The following CDC42BPA variants were observed in gnomAD, a reference collection of about 807,000 sequenced individuals.
The protein encoded by CDC42BPA is CDC42 binding protein kinase alpha.
In CDC42BPA, 80 loss-of-function variants were observed where a neutral mutation model predicts 223.5. That is an observed-to-expected ratio of 0.36 (90% CI 0.30 to 0.43). The LOEUF (loss-of-function observed/expected upper bound fraction) is 0.43, where lower values mean the gene tolerates loss of function less well. Among genes scored for constraint, CDC42BPA ranks in the 20% least tolerant of loss-of-function variants. The pLI, the probability that CDC42BPA is intolerant of heterozygous loss-of-function variation, is 1.00. For missense variants in CDC42BPA, 1,743 were observed against 2,099.9 expected (o/e 0.83, Z 3.32); for synonymous variants, 694 against 718.6 (o/e 0.97, Z 0.55).
rs767223657 is a variant in CDC42BPA at position 227,004,679 on chromosome 1, C to G, written c.4975+315G>C. On this transcript the variant is annotated intron_variant, in intron 35 of 36. Coordinates refer to ENST00000366766, the MANE Select transcript of CDC42BPA (RefSeq NM_001394014.1). ...ATTATTCTGCCAAGTAGGGATTCAT[C>G]CCTAACAGCTACCCCTTGTTATTCT... The G allele has an allele frequency of 2.3e-5, 8 of 352,848 alleles. 1 individual carries two copies. In the South Asian group the frequency reaches 2.5e-4, roughly 11 times the overall value. The allele number at this position is 352,848 out of a possible 1,614,324, so 21.9% of individuals were successfully genotyped here.
chr1:227,140,325 G>C (rs1414322040), intron 9 of CDC42BPA, among the ~76,000 whole-genome samples: 1 of 152,002 alleles, frequency 6.6e-6, no homozygotes, highest in Non-Finnish European at 1.5e-5. Flanking sequence ...ATGCTAAGGA[G>C]AAAACATAAA....
At chr1:227,072,394 C>G (rs1226230079) in intron 19 of CDC42BPA, 95 bp from the exon 20 acceptor site, 1 of 683,906 alleles carries the variant, frequency 1.5e-6, no homozygotes, top group Non-Finnish European at 2.6e-6. Context: ...GTTTAAATGT[C>G]AGGCATGGTA....
At chr1:227,111,517 C>T (rs955982826) in intron 14 of CDC42BPA, among the ~76,000 whole-genome samples, 4 of 152,112 alleles carry the variant, frequency 2.6e-5, no homozygotes, top group South Asian at 2.1e-4. Context: ...GACGGAGTTT[C>T]GCTCTTGCCC....
intron 10 of CDC42BPA, among the ~76,000 whole-genome samples, chr1:227,134,020 T>G (rs1014920089): frequency 7.2e-6 from 1 of 138,884 alleles, no homozygotes; most frequent in African/African-American, 2.6e-5. Context: ...AACTATACAC[T>G]TTGTCATTAT....
At chr1:227,286,534 C>T (rs1688833575) in intron 1 of CDC42BPA, among the ~76,000 whole-genome samples, 1 of 152,150 alleles carries the variant, frequency 6.6e-6, no homozygotes, top group Non-Finnish European at 1.5e-5. Flanking sequence ...TCCAAACTTG[C>T]CCTGTCTTCC....
At chr1:227,179,006 A>G (rs903251593) in intron 5 of CDC42BPA, among the ~76,000 whole-genome samples, 4 of 152,212 alleles carry the variant, frequency 2.6e-5, no homozygotes, top group Non-Finnish European at 4.4e-5. Flanking sequence ...GGTTGAGATC[A>G]TATGTCCTGA....
At chr1:227,233,280 G>GC (rs1223876575) in intron 2 of CDC42BPA, among the ~76,000 whole-genome samples, 2 of 152,024 alleles carry the variant, frequency 1.3e-5, no homozygotes, top group African/African-American at 4.8e-5. Context: ...CTTGTGATCC[G>GC]CCCACCTTGG....
chr1:227,260,619 T>C (rs1381348239), intron 1 of CDC42BPA, among the ~76,000 whole-genome samples: 1 of 151,114 alleles, frequency 6.6e-6, no homozygotes, highest in African/African-American at 2.5e-5. Flanking sequence ...GAAGAAAAGA[T>C]GAGAAATGAA....
chr1:227,234,064 G>A (rs1678537473), intron 2 of CDC42BPA, among the ~76,000 whole-genome samples: 1 of 152,140 alleles, frequency 6.6e-6, no homozygotes, highest in South Asian at 2.1e-4. Context: ...TGTTGTTCAA[G>A]TGGCAACAGT....
At chr1:227,163,511 C>CT (rs11411688) in intron 5 of CDC42BPA, among the ~76,000 whole-genome samples, 136,823 of 151,666 alleles carry the variant, frequency 0.9, 62,164 homozygotes, top group Middle Eastern at 0.96. Context: ...AGTTGAGAAT[C>CT]TTTTCATATT....
At chr1:227,184,472 A>G (rs1233752590) in intron 5 of CDC42BPA, among the ~76,000 whole-genome samples, 3 of 152,124 alleles carry the variant, frequency 2.0e-5, no homozygotes, top group Non-Finnish European at 2.9e-5. Context: ...TCAGTTGAAA[A>G]TACCTCTGTT....
At position 227,300,486 on chromosome 1, in the gene CDC42BPA, C is replaced by T. The variant is rs888231905; in HGVS notation, c.178+16519G>A. ...TATACACACATACCATGGAATACTACTCAGCCATAAAAAGAACAAAATAAT... is the reference window on the plus strand; with the variant it reads ...TATACACACATACCATGGAATACTATTCAGCCATAAAAAGAACAAAATAAT... On this transcript the variant is annotated intron_variant, in intron 1 of 36. Transcript: ENST00000366766. Among the ~76,000 whole-genome samples the T allele has an allele frequency of 2.0e-5, 3 of 152,132 alleles. No homozygotes were observed. In the South Asian group the frequency reaches 6.2e-4, roughly 32 times the overall value.
At chr1:227,115,010 TGAA>T (rs1687548181) in intron 12 of CDC42BPA, among the ~76,000 whole-genome samples, 1 of 151,994 alleles carries the variant, frequency 6.6e-6, no homozygotes, top group Admixed American at 6.6e-5. Context: ...CAAATTTCAG[TGAA>T]GAAGAAATGA....
intron 24 of CDC42BPA, among the ~76,000 whole-genome samples, chr1:227,036,738 A>C (rs1193957986): frequency 6.6e-6 from 1 of 152,110 alleles, no homozygotes; most frequent in African/African-American, 2.4e-5. Context: ...CCTTCAATTC[A>C]GTTTTAAGTG....
rs768536226 is a variant in CDC42BPA, at chr1:227,112,367, C to T, written c.1946G>A (p.Arg649His). Residue 649 changes from arginine to histidine, a missense_variant, in exon 14 of 37, where the codon CGT (arginine) becomes CAT (histidine). Physicochemically the swap from Arg to His is conservative, Grantham distance 29. Transcript: ENST00000366766. The stretch of plus-strand genomic sequence containing the variant: ...CTTAGAATAGTGCTCACTCTGTTCA[C>T]GTAGCTTCCTGTCTTTAGATGCTTC... ...AAEASKDRKL[R>H]EQSEHYSKQL... 1.9e-5 allele frequency: 30 copies of T among 1,608,834 alleles called. No homozygotes were observed. Among genetic ancestry groups the T allele is most frequent in the Admixed American group, 3.4e-5 (2 of 59,082 alleles).
intron 2 of CDC42BPA, among the ~76,000 whole-genome samples, chr1:227,252,861 G>A (rs1682267090): frequency 6.6e-6 from 1 of 151,958 alleles, no homozygotes; most frequent in Non-Finnish European, 1.5e-5. Flanking sequence ...AGTATAACAA[G>A]GTATAAGATC....
At chr1:227,093,514 A>G (rs951012656) in intron 15 of CDC42BPA, among the ~76,000 whole-genome samples, 1 of 152,204 alleles carries the variant, frequency 6.6e-6, no homozygotes. Context: ...TCTACCAGCT[A>G]TGTGGACTCC....
chr1:227,106,431 TAA>T (rs1213094269), intron 14 of CDC42BPA, among the ~76,000 whole-genome samples: 16 of 151,942 alleles, frequency 1.1e-4, no homozygotes, highest in Admixed American at 7.9e-4. Context: ...CCATACACAT[TAA>T]GTTTTAATTT....
At chr1:227,048,101 A>G in intron 22 of CDC42BPA, 91 bp from the exon 23 acceptor site, 1 of 721,318 alleles carries the variant, frequency 1.4e-6, no homozygotes, top group South Asian at 2.3e-5. Context: ...AAATAAAACA[A>G]AACATCAATA....
Sources: allele counts gnomAD v4.1 joint callset (sites outside exome capture counted in the v4.1 genomes callset), GRCh38; gene constraint gnomAD v4.1.1; transcripts MANE v1.5; gene names NCBI Gene and HGNC (gene_info 2026-07-23, HGNC 2026-07-21).